Variants in CCDC122 observed in about 807,000 individuals in gnomAD.
The protein encoded by CCDC122 is coiled-coil domain containing 122.
In CCDC122, 38 loss-of-function variants were observed where a neutral mutation model predicts 37.0. The ratio of observed to expected loss-of-function variants is 1.03; its 90% confidence interval spans 0.79 to 1.35. The LOEUF is 1.35. Among genes scored for constraint, CCDC122 ranks in the 40% most tolerant of loss-of-function variants. CCDC122 has a pLI of 0.00. For synonymous variants in CCDC122, 83 were observed against 95.6 expected, an observed-to-expected ratio of 0.87 and a Z score of 0.77; for missense variants, 305 against 310.0, an observed-to-expected ratio of 0.98 and a Z score of 0.12.
At chr13:43,825,802 G>A (rs1033333279) in intron 3 of CCDC122, among the ~76,000 whole-genome samples, 1 of 150,706 alleles carries the variant, frequency 6.6e-6, no homozygotes, top group African/African-American at 2.4e-5. Context: ...GAGGGAGTAG[G>A]GCAAGGGCTG....
rs964560596 is a variant in CCDC122 at position 43,837,501 on chromosome 13, G to T, written c.673-72C>A. The T allele has an allele frequency of 1.8e-5, 25 of 1,365,834 alleles. No homozygotes were observed. The African/African-American group carries it at 3.4e-4, about 18-fold the overall frequency. The allele number at this position is 1,365,834 out of a possible 1,614,324, so 84.6% of individuals were successfully genotyped here. A position where few individuals can be genotyped will look rare whatever the true frequency, so the allele number is the denominator to read the frequency against. ...AGTAAACAGCCATAAATAATATTTTGACTACTCTAAAGAGGGAAGCACTTA... is the reference window on the plus strand; with the variant it reads ...AGTAAACAGCCATAAATAATATTTTTACTACTCTAAAGAGGGAAGCACTTA... On this transcript the variant is annotated intron_variant, in intron 6 of 6. Transcript: ENST00000444614.
intron 3 of CCDC122, 112 bp downstream of exon 3, chr13:43,869,219 C>T (rs1954369339): frequency 1.3e-6 from 1 of 794,424 alleles, no homozygotes; most frequent in Non-Finnish European, 2.1e-6. Flanking sequence ...CTAAATGTAA[C>T]TGCTTCCATC....
intron 6 of CCDC122, chr13:43,849,136 A>G: frequency 3.9e-6 from 3 of 779,144 alleles, no homozygotes; most frequent in Non-Finnish European, 4.7e-6. Flanking sequence ...TGAATTGAGG[A>G]CAACTTTTAA....
chr13:43,843,746 CCT>C (rs1326730658), intron 6 of CCDC122, among the ~76,000 whole-genome samples: 3 of 151,754 alleles, frequency 2.0e-5, no homozygotes, highest in Non-Finnish European at 4.4e-5. Flanking sequence ...TTGATTCCTA[CCT>C]CACACCATTC....
chr13:43,846,234 C>A (rs1456990408), intron 6 of CCDC122, among the ~76,000 whole-genome samples: 1 of 152,050 alleles, frequency 6.6e-6, no homozygotes, highest in Non-Finnish European at 1.5e-5. Context: ...GCCACCACGC[C>A]CGGCTAATTT....
intron 2 of CCDC122, among the ~76,000 whole-genome samples, chr13:43,871,864 T>G (rs1954462809): frequency 6.6e-6 from 1 of 152,108 alleles, no homozygotes; most frequent in South Asian, 2.1e-4. Flanking sequence ...CCATAGACTA[T>G]ATAGGCTTTA....
chr13:43,823,383 C>A (rs1473798872), downstream of CCDC122, among the ~76,000 whole-genome samples: 1 of 152,116 alleles, frequency 6.6e-6, no homozygotes, highest in East Asian at 1.9e-4. Context: ...TCACTTTCAT[C>A]TCTGTGAGCT....
chr13:43,828,265 T>G (rs532081461), intron 3 of CCDC122, among the ~76,000 whole-genome samples: 196 of 152,286 alleles, frequency 1.3e-3, no homozygotes, highest in African/African-American at 4.6e-3. Flanking sequence ...ACTCATTAAT[T>G]TATTCAACAT....
At chr13:43,875,348 G>A (rs186727832) in intron 1 of CCDC122, among the ~76,000 whole-genome samples, 21 of 152,190 alleles carry the variant, frequency 1.4e-4, no homozygotes, top group African/African-American at 2.9e-4. Flanking sequence ...GTGCCCTCCC[G>A]CACATCCAAA....
At chr13:43,837,850 T>C (rs1953217689) in intron 6 of CCDC122, among the ~76,000 whole-genome samples, 1 of 152,206 alleles carries the variant, frequency 6.6e-6, no homozygotes, top group Admixed American at 6.5e-5. Flanking sequence ...CCTGGGGGAC[T>C]CTACTTTGAG....
rs1953198077 is a variant in CCDC122 at position 43,837,328 on chromosome 13, C to T, written c.774G>A (p.Leu258=). 4 of 1,613,896 alleles carry T rather than the reference C, an allele frequency of 2.5e-6. No homozygotes were observed. The highest frequency in any genetic ancestry group is 3.4e-6 in the Non-Finnish European group (4 of 1,179,944). The change falls in exon 7 of 7, where the codon TTG becomes TTA. Residue 258 remains leucine (L), a synonymous_variant. Transcript: ENST00000444614. Reference sequence around the variant, plus strand: ...TTCTTAATTCGGCTGCAGTTTTTTCCAATTGTTGAATGTTCCATTGCCACT... The same window carrying T: ...TTCTTAATTCGGCTGCAGTTTTTTCTAATTGTTGAATGTTCCATTGCCACT... ...RRQWQWNIQQ[L]EKTAAELRKC... is the part of the protein sequence containing the mutation.
At chr13:43,847,301 G>T (rs906051907) in intron 6 of CCDC122, among the ~76,000 whole-genome samples, 1 of 152,108 alleles carries the variant, frequency 6.6e-6, no homozygotes, top group Non-Finnish European at 1.5e-5. Context: ...TTAATAAGAG[G>T]TTTGTGTGTA....
At chr13:43,819,351 G>A (rs1371154870), downstream of CCDC122, among the ~76,000 whole-genome samples, 1 of 152,258 alleles carries the variant, frequency 6.6e-6, no homozygotes, top group East Asian at 1.9e-4. Flanking sequence ...CTATTCCAAA[G>A]ATATACTAGC....
chr13:43,875,934 CATTT>C (rs1954596469), intron 1 of CCDC122, among the ~76,000 whole-genome samples: 1 of 152,178 alleles, frequency 6.6e-6, no homozygotes, highest in Non-Finnish European at 1.5e-5. Context: ...GATTGATCTT[CATTT>C]ATTTCTACAC....
chr13:43,872,950 T>C (rs1480795278), intron 2 of CCDC122, among the ~76,000 whole-genome samples: 1 of 152,178 alleles, frequency 6.6e-6, no homozygotes, highest in Non-Finnish European at 1.5e-5. Context: ...CACTGTACTT[T>C]TAAAACTTTT....
intron 3 of CCDC122, among the ~76,000 whole-genome samples, chr13:43,827,293 A>C (rs1336962813): frequency 1.3e-5 from 2 of 152,240 alleles, no homozygotes; most frequent in Non-Finnish European, 2.9e-5. Context: ...AAATTATACA[A>C]GTAGATTTTG....
rs189503137 is a variant in CCDC122, at chr13:43,866,085, A to G, written c.156+2609T>C. On this transcript the variant is annotated intron_variant, in intron 4 of 6. Transcript: ENST00000444614. ...ATATGGCATAGATGTGCTGGACAAA[A>G]GGACGACTCACATCCCAGGCAGGAT... Among the ~76,000 whole-genome samples the G allele has an allele frequency of 8.3e-3, 1,268 of 152,326 alleles. 13 individuals carry two copies. Among genetic ancestry groups the G allele is most frequent in the African/African-American group, 0.027 (1,128 of 41,570 alleles).
chr13:43,822,686 TCA>T (rs1472738063), downstream of CCDC122, among the ~76,000 whole-genome samples: 1 of 152,202 alleles, frequency 6.6e-6, no homozygotes, highest in Admixed American at 6.5e-5. Context: ...TCCCTCCTTT[TCA>T]CAGAGAGAGG....
chr13:43,851,399 G>A (rs1428833268), intron 6 of CCDC122, among the ~76,000 whole-genome samples: 1 of 152,158 alleles, frequency 6.6e-6, no homozygotes, highest in African/African-American at 2.4e-5. Flanking sequence ...AGAAGTCTCT[G>A]AAGTATATGC....
Sources: gnomAD v4.1 joint callset for allele counts (sites outside exome capture counted in the v4.1 genomes callset) on GRCh38, gnomAD v4.1.1 for gene constraint, MANE v1.5 for transcripts, NCBI Gene and HGNC (gene_info 2026-07-23, HGNC 2026-07-21) for gene names.